Variants in NRXN1 observed in about 807,000 individuals in gnomAD.
NRXN1 encodes neurexin-1.
NRXN1 carries 39 observed loss-of-function variants against 150.9 expected under a neutral mutation model. The observed-to-expected ratio is 0.26, with a 90% CI of 0.20 to 0.34. The LOEUF (loss-of-function observed/expected upper bound fraction) is 0.34, where lower values mean the gene tolerates loss of function less well. Among genes scored for constraint, NRXN1 ranks in the 10% least tolerant of loss-of-function variants. The pLI is 1.00. For synonymous variants in NRXN1, 924 were observed against 757.0 expected (o/e 1.22, Z -3.62); for missense variants, 1,815 against 1,949.9 (o/e 0.93, Z 1.30).
intron 5 of NRXN1, among the ~76,000 whole-genome samples, chr2:50,629,577 G>A (rs184032807): frequency 4.4e-4 from 66 of 151,536 alleles, no homozygotes; most frequent in Admixed American, 3.5e-3. Flanking sequence ...AATTTACCTG[G>A]ACATTTATGC....
At chr2:50,074,956 A>T (rs1281120521) in intron 19 of NRXN1, among the ~76,000 whole-genome samples, 1 of 152,216 alleles carries the variant, frequency 6.6e-6, no homozygotes, top group Non-Finnish European at 1.5e-5. Flanking sequence ...CAATACATAC[A>T]ACGGTAAAGT....
intron 5 of NRXN1, among the ~76,000 whole-genome samples, chr2:50,765,828 A>C (rs1702321136): frequency 6.6e-6 from 1 of 152,084 alleles, no homozygotes; most frequent in African/African-American, 2.4e-5. Context: ...AACAGAGCTG[A>C]ATCTATTATG....
At chr2:50,746,660 G>C (rs1323478609) in intron 5 of NRXN1, among the ~76,000 whole-genome samples, 11 of 152,134 alleles carry the variant, frequency 7.2e-5, no homozygotes, top group Admixed American at 2.0e-4. Flanking sequence ...TCCACTCAGA[G>C]ACTGGGGGCT....
At chr2:50,544,970 G>C (rs1294403038) in intron 9 of NRXN1, among the ~76,000 whole-genome samples, 2 of 152,006 alleles carry the variant, frequency 1.3e-5, no homozygotes, top group African/African-American at 2.4e-5. Context: ...CACAGTAATT[G>C]GTAAACTATA....
intron 8 of NRXN1, among the ~76,000 whole-genome samples, chr2:50,576,836 T>C (rs887725839): frequency 5.9e-5 from 9 of 152,132 alleles, no homozygotes; most frequent in African/African-American, 1.9e-4. Context: ...CTCATCCCTC[T>C]GGCTTTTTCC....
intron 2 of NRXN1, among the ~76,000 whole-genome samples, chr2:51,023,753 TAAAG>T (rs1669991072): frequency 6.6e-6 from 1 of 152,168 alleles, no homozygotes; most frequent in African/African-American, 2.4e-5. Context: ...ACTTGCTGAA[TAAAG>T]AAATTAATAA....
intron 19 of NRXN1, among the ~76,000 whole-genome samples, chr2:50,082,077 G>T (rs1160515466): frequency 6.6e-6 from 1 of 152,136 alleles, no homozygotes; most frequent in Admixed American, 6.5e-5. Context: ...CCGGCCTTCA[G>T]TGCTTAGCTA....
At chr2:50,332,935 C>G (rs1473834584) in intron 17 of NRXN1, among the ~76,000 whole-genome samples, 1 of 152,080 alleles carries the variant, frequency 6.6e-6, no homozygotes, top group African/African-American at 2.4e-5. Context: ...AAAATTAAAC[C>G]ATCACACTAA....
At chr2:50,649,984 T>A (rs187833706) in intron 5 of NRXN1, among the ~76,000 whole-genome samples, 157 of 152,136 alleles carry the variant, frequency 1.0e-3, no homozygotes, top group Non-Finnish European at 1.6e-3. Flanking sequence ...CAGGGGACTC[T>A]GGTTGCATTT....
intron 17 of NRXN1, among the ~76,000 whole-genome samples, chr2:50,410,969 C>A (rs5019239): frequency 0.16 from 23,813 of 152,092 alleles, 3,114 homozygotes; most frequent in East Asian, 0.37. Context: ...CAAACATTTG[C>A]GTGTTTCCTT....
chr2:50,090,440 G>A (rs1368403525), intron 19 of NRXN1, among the ~76,000 whole-genome samples: 1 of 151,910 alleles, frequency 6.6e-6, no homozygotes, highest in African/African-American at 2.4e-5. Flanking sequence ...AAAAAACATA[G>A]TTATATCTAA....
intron 18 of NRXN1, among the ~76,000 whole-genome samples, chr2:50,163,012 T>G (rs1229578199): frequency 6.6e-6 from 1 of 151,870 alleles, no homozygotes; most frequent in East Asian, 1.9e-4. Context: ...TTCCAAAGTC[T>G]CTGGAGATAT....
chr2:50,449,697 C>T (rs1411369801), intron 17 of NRXN1, among the ~76,000 whole-genome samples: 1 of 152,118 alleles, frequency 6.6e-6, no homozygotes, highest in African/African-American at 2.4e-5. Flanking sequence ...TTTTGAAAAG[C>T]AAGGTATTAA....
chr2:50,914,888 G>A (rs989874731), intron 5 of NRXN1, among the ~76,000 whole-genome samples: 5 of 151,586 alleles, frequency 3.3e-5, no homozygotes, highest in African/African-American at 9.7e-5. Context: ...ATTTGTGCCA[G>A]TCACTGCTCT....
chr2:49,991,069 A>G (rs1681857709), intron 21 of NRXN1, among the ~76,000 whole-genome samples: 1 of 152,170 alleles, frequency 6.6e-6, no homozygotes, highest in Non-Finnish European at 1.5e-5. Flanking sequence ...AATAAAATAA[A>G]TAGAAAACTT....
chr2:50,148,904 C>A (rs1022948509), intron 18 of NRXN1, among the ~76,000 whole-genome samples: 1 of 151,720 alleles, frequency 6.6e-6, no homozygotes, highest in Non-Finnish European at 1.5e-5. Flanking sequence ...CTGACAACAT[C>A]TACATCTACC....
At chr2:50,505,643 A>G (rs2092183982) in intron 13 of NRXN1, among the ~76,000 whole-genome samples, 1 of 152,102 alleles carries the variant, frequency 6.6e-6, no homozygotes, top group African/African-American at 2.4e-5. Flanking sequence ...TTCCTTTCCT[A>G]AGTTAAGGAA....
At chr2:50,577,092 AC>A (rs940598965) in intron 8 of NRXN1, among the ~76,000 whole-genome samples, 2 of 152,138 alleles carry the variant, frequency 1.3e-5, no homozygotes, top group African/African-American at 4.8e-5. Flanking sequence ...AACCATTATT[AC>A]GTTTTCAAAT....
chr2:50,935,949 A>T (rs1484347542), intron 2 of NRXN1, among the ~76,000 whole-genome samples: 6 of 152,160 alleles, frequency 3.9e-5, no homozygotes, highest in Admixed American at 1.3e-4. Context: ...TGCTCCAAAG[A>T]TTAAATATCT....
Sources: allele counts gnomAD v4.1 joint callset (sites outside exome capture counted in the v4.1 genomes callset), GRCh38; gene constraint gnomAD v4.1.1; transcripts MANE v1.5; gene names NCBI Gene and HGNC (gene_info 2026-07-23, HGNC 2026-07-21).